Variants in ARHGAP17 observed in about 807,000 individuals in gnomAD.
The protein encoded by ARHGAP17 is rho GTPase-activating protein 17.
A neutral mutation model predicts 99.5 loss-of-function variants in ARHGAP17; 57 were observed. That is an observed-to-expected ratio of 0.57 (90% CI 0.46 to 0.71). ARHGAP17 has a LOEUF of 0.71. Among genes scored for constraint, ARHGAP17 ranks in the 30% least tolerant of loss-of-function variants. The pLI is 0.00. For missense variants in ARHGAP17, 1,000 were observed against 1,122.4 expected (o/e 0.89, Z 1.56); for synonymous variants, 417 against 429.6 (o/e 0.97, Z 0.36).
intron 1 of ARHGAP17, among the ~76,000 whole-genome samples, chr16:24,995,451 G>A (rs79337261): frequency 0.014 from 2,137 of 152,314 alleles, 52 homozygotes; most frequent in African/African-American, 0.049. Flanking sequence ...AGAAGAGAGG[G>A]AAGAGAGAGC....
chr16:24,976,712 T>C lies in ARHGAP17; in HGVS notation c.198+503A>G, dbSNP rs1384050951. On this transcript the variant is annotated intron_variant, in intron 3 of 19. Transcript: ENST00000289968. ...ACAAGCAGCCCATAGAAGCTGCCAA[T>C]AGCCAACTTGCCATCATGAGGATGC... Among the ~76,000 whole-genome samples, 8 of 152,034 alleles carry C rather than the reference T, an allele frequency of 5.3e-5. 1 individual carries two copies. The highest frequency in any genetic ancestry group is 1.0e-4 in the Non-Finnish European group (7 of 67,996).
At chr16:24,981,348 C>A (rs1012877789) in intron 1 of ARHGAP17, among the ~76,000 whole-genome samples, 3 of 152,062 alleles carry the variant, frequency 2.0e-5, no homozygotes, top group African/African-American at 7.2e-5. Context: ...TAAAGATAGT[C>A]ATAGTAACTA....
chr16:24,943,974 C>T (rs961121835), intron 14 of ARHGAP17, 112 bp from the exon 15 acceptor site: 22 of 1,012,412 alleles, frequency 2.2e-5, no homozygotes, highest in Non-Finnish European at 3.1e-5. Flanking sequence ...TTAAAAGATG[C>T]AAAAATCAAA....
Position 24,939,480 on chromosome 16 carries a change from C to A in ARHGAP17, c.1608G>T (p.Val536=). The A allele has an allele frequency of 6.2e-7, 1 of 1,610,956 alleles. No individual in the cohort carries two copies. Among genetic ancestry groups the A allele is most frequent in the South Asian group, 1.1e-5 (1 of 90,148 alleles). The change falls in exon 17 of 20, where the codon GTG becomes GTT. Residue 536 remains valine (V), a synonymous_variant. Transcript: ENST00000289968. ...GGGGAGGGGGCTCTGGGCCAGCGGG[C>A]ACCACGGTGCTGCCATCTGTGGGCG... ...PLPPTDGSTV[V]PAGPEPPPQS... is the part of the protein sequence containing the mutation.
chr16:24,991,599 C>T (rs1362904533), intron 1 of ARHGAP17, among the ~76,000 whole-genome samples: 1 of 152,178 alleles, frequency 6.6e-6, no homozygotes, highest in Non-Finnish European at 1.5e-5. Flanking sequence ...AAACAATAAA[C>T]AGAAACTCAG....
chr16:24,949,700 TA>T (rs2051577690), intron 12 of ARHGAP17, among the ~76,000 whole-genome samples: 1 of 152,124 alleles, frequency 6.6e-6, no homozygotes, highest in Non-Finnish European at 1.5e-5. Context: ...CAAAACAGGG[TA>T]AGTGTTGATT....
chr16:24,933,787 C>G (rs1267545002), intron 18 of ARHGAP17, among the ~76,000 whole-genome samples: 1 of 151,686 alleles, frequency 6.6e-6, no homozygotes, highest in Non-Finnish European at 1.5e-5. Context: ...TGTCTGAGAC[C>G]ACCTCAGAGG....
chr16:24,935,864 G>A (rs764685165), intron 17 of ARHGAP17: 6 of 539,656 alleles, frequency 1.1e-5, no homozygotes, highest in Admixed American at 6.2e-5. Flanking sequence ...AAGAGATGAG[G>A]TCTTGCTATG....
In ARHGAP17 at chr16:24,931,058, A is replaced by G. The variant is rs1207902347; in HGVS notation, c.2241T>C (p.Leu747=). 3 of 1,607,108 alleles carry G rather than the reference A, an allele frequency of 1.9e-6. No homozygotes were observed. The highest frequency in any genetic ancestry group is 2.2e-5 in the East Asian group (1 of 44,834). ...NPMALPSEHG[L]EQPSHTPPQT... ...GGGGAGGGGTGTGAGATGGCTGCTC[A>G]AGTCCATGCTCACTGGGCAATGCCA... Residue 747 remains leucine, a synonymous_variant, in exon 19 of 20, where the codon CTT becomes CTC. Coordinates refer to ENST00000289968, the MANE Select transcript of ARHGAP17 (RefSeq NM_001006634.3).
intron 1 of ARHGAP17, among the ~76,000 whole-genome samples, chr16:24,981,741 T>C (rs561102865): frequency 1.9e-3 from 295 of 152,300 alleles, no homozygotes; most frequent in African/African-American, 6.7e-3. Flanking sequence ...AAATAGCATG[T>C]TACTTACACT....
chr16:24,974,414 G>A (rs1352102878), intron 3 of ARHGAP17, among the ~76,000 whole-genome samples: 1 of 152,096 alleles, frequency 6.6e-6, no homozygotes, highest in Non-Finnish European at 1.5e-5. Flanking sequence ...GGGCGACACA[G>A]CAAGATTCCA....
At chr16:24,976,512 G>A (rs1260274102) in intron 3 of ARHGAP17, among the ~76,000 whole-genome samples, 1 of 152,016 alleles carries the variant, frequency 6.6e-6, no homozygotes, top group African/African-American at 2.4e-5. Flanking sequence ...CTGGGTCATG[G>A]AGTGAGACCC....
chr16:24,975,495 G>A (rs2052488545), intron 3 of ARHGAP17, among the ~76,000 whole-genome samples: 1 of 152,196 alleles, frequency 6.6e-6, no homozygotes, highest in Non-Finnish European at 1.5e-5. Flanking sequence ...AGTAGGCTGG[G>A]TCTGGTTCCG....
intron 3 of ARHGAP17, among the ~76,000 whole-genome samples, chr16:24,971,445 T>G (rs2052360138): frequency 6.6e-6 from 1 of 151,666 alleles, no homozygotes; most frequent in Admixed American, 6.6e-5. Context: ...TTCTCGTGCC[T>G]CAGCCTCCCC....
At chr16:24,959,175 C>A (rs2051904802) in intron 9 of ARHGAP17, among the ~76,000 whole-genome samples, 1 of 152,196 alleles carries the variant, frequency 6.6e-6, no homozygotes, top group African/African-American at 2.4e-5. Flanking sequence ...AAGGAGGAGT[C>A]TGAACGAAGC....
At chr16:24,936,215 A>G (rs1245380341) in intron 17 of ARHGAP17, 1 of 158,252 alleles carries the variant, frequency 6.3e-6, no homozygotes, top group African/African-American at 2.4e-5. Context: ...TGGACTGAAG[A>G]AGGAGAACTC....
intron 1 of ARHGAP17, among the ~76,000 whole-genome samples, chr16:25,008,034 G>A (rs1406778620): frequency 1.3e-5 from 2 of 152,100 alleles, no homozygotes; most frequent in Non-Finnish European, 2.9e-5. Flanking sequence ...ACTTCGGTTT[G>A]TGACCCCTGC....
Position 24,952,238 on chromosome 16 carries a change from A to G in ARHGAP17, c.1046+51T>C, listed in dbSNP as rs368391028. On this transcript the variant is annotated intron_variant, in intron 12 of 19. Coordinates refer to ENST00000289968, the MANE Select transcript of ARHGAP17 (RefSeq NM_001006634.3). ...TAAAATGATTTGCAAATAGGGCACA[A>G]TATCACTTCATTCCCTTTAACATTT... The G allele has an allele frequency of 3.5e-4, 498 of 1,415,310 alleles. No individual in the cohort carries two copies. The Middle Eastern group carries it at 3.9e-3, about 11-fold the overall frequency. The allele number at this position is 1,415,310 out of a possible 1,614,324, so 87.7% of individuals were successfully genotyped here. A position where few individuals can be genotyped will look rare whatever the true frequency, so the allele number is the denominator to read the frequency against.
intron 19 of ARHGAP17, among the ~76,000 whole-genome samples, chr16:24,922,882 G>A (rs2050752185): frequency 1.3e-5 from 2 of 151,970 alleles, no homozygotes; most frequent in South Asian, 4.2e-4. Context: ...TCACCATGTT[G>A]ACTGGGCTGG....
Sources: gnomAD v4.1 joint callset for allele counts (sites outside exome capture counted in the v4.1 genomes callset) on GRCh38, gnomAD v4.1.1 for gene constraint, MANE v1.5 for transcripts, NCBI Gene and HGNC (gene_info 2026-07-23, HGNC 2026-07-21) for gene names.